Variants in ARHGAP22 observed in about 807,000 individuals in gnomAD.
ARHGAP22 encodes rho GTPase-activating protein 22.
A neutral mutation model predicts 59.1 loss-of-function variants in ARHGAP22; 48 were observed. The observed-to-expected ratio is 0.81, with a 90% CI of 0.64 to 1.03. The LOEUF (loss-of-function observed/expected upper bound fraction) is 1.03, where lower values mean the gene tolerates loss of function less well. Ranked by LOEUF, ARHGAP22 falls within the 50% of genes least tolerant of loss-of-function variation. ARHGAP22 has a pLI of 0.00. For synonymous variants in ARHGAP22, 445 were observed against 416.4 expected (o/e 1.07, Z -0.84); for missense variants, 1,015 against 958.7 (o/e 1.06, Z -0.78).
intron 1 of ARHGAP22, among the ~76,000 whole-genome samples, chr10:48,601,604 C>T (rs1189204688): frequency 2.6e-5 from 4 of 152,152 alleles, no homozygotes; most frequent in Admixed American, 6.5e-5. Context: ...TCCATAAGCA[C>T]CCACTCCACC....
intron 3 of ARHGAP22, among the ~76,000 whole-genome samples, chr10:48,529,572 G>A (rs1200090784): frequency 6.6e-6 from 1 of 152,150 alleles, no homozygotes. Context: ...GGAGAACTGA[G>A]GTCCAAGCCA....
rs910833222 is a variant in ARHGAP22, at chr10:48,493,487, G to T, written c.323-13723C>A. ...TTCAGACACCTGATGGGCCAGAAGGGCATGGTGTGGAGCAGCGGGGGCTGC... is the reference window on the plus strand; with the variant it reads ...TTCAGACACCTGATGGGCCAGAAGGTCATGGTGTGGAGCAGCGGGGGCTGC... On this transcript the variant is annotated intron_variant, in intron 3 of 9. Transcript: ENST00000249601. 20 of 1,535,950 alleles carry T rather than the reference G, an allele frequency of 1.3e-5. No homozygotes were observed. The African/African-American group carries it at 2.5e-4, about 19-fold the overall frequency.
chr10:48,504,604 A>C lies in ARHGAP22; in HGVS notation c.323-24840T>G, dbSNP rs1432130367. The stretch of plus-strand genomic sequence containing the variant: ...GATCTGGTCTGGGCACAAAAGGATG[A>C]GCAGGGGAGGCGGTTGGCAGATGGA... On this transcript the variant is annotated intron_variant, in intron 3 of 9. Coordinates refer to ENST00000249601, the MANE Select transcript of ARHGAP22 (RefSeq NM_021226.4). Among the ~76,000 whole-genome samples, 4 of 152,306 alleles carry C rather than the reference A, an allele frequency of 2.6e-5. No individual in the cohort carries two copies. The East Asian group carries it at 7.7e-4, about 29-fold the overall frequency.
At position 48,520,066 on chromosome 10, in the gene ARHGAP22, A is replaced by T. The variant is rs1162573443; in HGVS notation, c.322+35397T>A. ...GGCAGGAGCACAGGAGCCATCAGCC[A>T]TTGGTTGTGAGAAATGAAGAAGAGG... On this transcript the variant is annotated intron_variant, in intron 3 of 9. Transcript: ENST00000249601. Among the ~76,000 whole-genome samples the T allele has an allele frequency of 2.0e-5, 3 of 152,290 alleles. No homozygotes were observed. In the East Asian group the frequency reaches 5.8e-4, roughly 29 times the overall value.
In ARHGAP22 at chr10:48,649,050, C is replaced by T. The variant is rs1178480360; in HGVS notation, c.52+3184G>A. Among the ~76,000 whole-genome samples the T allele has an allele frequency of 4.6e-5, 7 of 152,142 alleles. No individual in the cohort carries two copies. In the East Asian group the frequency reaches 1.3e-3, roughly 29 times the overall value. ...CCAGGTGAGAGCCGACCTCTCGCCC[C>T]GCTGCCATGCAATTATTCCTATGAA... On this transcript the variant is annotated intron_variant, in intron 1 of 9. Transcript: ENST00000435790.
chr10:48,520,491 G>A (rs1212816975), intron 3 of ARHGAP22, among the ~76,000 whole-genome samples: 1 of 152,216 alleles, frequency 6.6e-6, no homozygotes, highest in Admixed American at 6.5e-5. Context: ...TGACAGGGGG[G>A]CCAGGATGAG....
chr10:48,469,536 T>A (rs550720842), intron 4 of ARHGAP22, among the ~76,000 whole-genome samples: 119 of 152,244 alleles, frequency 7.8e-4, no homozygotes, highest in African/African-American at 2.8e-3. Flanking sequence ...CCTTCAGTCT[T>A]AATTATGCCC....
Position 48,453,297 on chromosome 10 carries a change from C to G in ARHGAP22, c.988+7G>C. 1 of 1,613,308 alleles carries G rather than the reference C, an allele frequency of 6.2e-7. No individual in the cohort carries two copies. Among genetic ancestry groups the G allele is most frequent in the South Asian group, 1.1e-5 (1 of 91,048 alleles). ...ACCCAGGGCCACCAGGTACACCTCC[C>G]ACTTACCTTCCATGATGGTTACTGG... On this transcript the variant is annotated splice_region_variant and intron_variant, in intron 8 of 9. Coordinates refer to ENST00000249601, the MANE Select transcript of ARHGAP22 (RefSeq NM_021226.4).
intron 3 of ARHGAP22, among the ~76,000 whole-genome samples, chr10:48,509,323 C>T (rs1358372970): frequency 1.3e-5 from 2 of 152,168 alleles, no homozygotes; most frequent in Non-Finnish European, 2.9e-5. Context: ...AGGGAGGACA[C>T]CAACATCCCC....
chr10:48,543,632 C>T (rs1173457250), intron 3 of ARHGAP22, among the ~76,000 whole-genome samples: 1 of 152,140 alleles, frequency 6.6e-6, no homozygotes, highest in Non-Finnish European at 1.5e-5. Context: ...AATGCAGATT[C>T]CTTGACTCAC....
chr10:48,574,485 C>A (rs2135520339), intron 2 of ARHGAP22, among the ~76,000 whole-genome samples: 1 of 152,282 alleles, frequency 6.6e-6, no homozygotes, highest in South Asian at 2.1e-4. Context: ...GTTTGAGTAA[C>A]AATTTACAGC....
chr10:48,612,086 G>T (rs1299743273), intron 1 of ARHGAP22, among the ~76,000 whole-genome samples: 1 of 151,058 alleles, frequency 6.6e-6, no homozygotes, highest in Non-Finnish European at 1.5e-5. Context: ...CTCCCAAAGT[G>T]CTAGGATTAC....
chr10:48,605,194 T>C (rs1005193000), upstream of ARHGAP22: 10 of 1,085,792 alleles, frequency 9.2e-6, no homozygotes, highest in South Asian at 2.8e-5. Context: ...GGCGCGGTCC[T>C]GGCCCGGGAG....
At chr10:48,492,891 AC>A (rs2050545979) in intron 3 of ARHGAP22, among the ~76,000 whole-genome samples, 1 of 152,248 alleles carries the variant, frequency 6.6e-6, no homozygotes. Context: ...TTACTTTTGC[AC>A]CAACCTAATA....
chr10:48,520,809 G>A (rs1344986358), intron 3 of ARHGAP22, among the ~76,000 whole-genome samples: 2 of 152,088 alleles, frequency 1.3e-5, no homozygotes, highest in African/African-American at 4.8e-5. Flanking sequence ...AGCTCCAAAG[G>A]CAGCTGGAGA....
chr10:48,644,394 C>T (rs559712601), intron 1 of ARHGAP22, among the ~76,000 whole-genome samples: 4 of 152,176 alleles, frequency 2.6e-5, no homozygotes, highest in Non-Finnish European at 4.4e-5. Context: ...ATATCAGCAA[C>T]TATATAGAAG....
chr10:48,582,832 G>C, intron 2 of ARHGAP22, 121 bp downstream of exon 2: 1 of 1,185,890 alleles, frequency 8.4e-7, no homozygotes, highest in South Asian at 1.5e-5. Context: ...GGAAATCCTG[G>C]CAAAACATCA....
chr10:48,449,469 A>G (rs2045681340), intron 9 of ARHGAP22, among the ~76,000 whole-genome samples: 1 of 152,238 alleles, frequency 6.6e-6, no homozygotes, highest in African/African-American at 2.4e-5. Context: ...TCACAGGCTC[A>G]GAGTGGGCAG....
At chr10:48,506,196 C>T (rs954949622) in intron 3 of ARHGAP22, among the ~76,000 whole-genome samples, 18 of 152,162 alleles carry the variant, frequency 1.2e-4, no homozygotes, top group Admixed American at 9.2e-4. Context: ...AGTCAGGCAC[C>T]GCTTAGTGAC....
Sources: gnomAD v4.1 joint callset for allele counts (sites outside exome capture counted in the v4.1 genomes callset) on GRCh38, gnomAD v4.1.1 for gene constraint, MANE v1.5 for transcripts, NCBI Gene and HGNC (gene_info 2026-07-23, HGNC 2026-07-21) for gene names.